RAD54L2: variants seen among roughly 807,000 people sequenced by gnomAD.
The protein encoded by RAD54L2 is RAD54 like 2.
Under a neutral mutation model 138.4 loss-of-function variants are expected in RAD54L2, and 27 were observed. The observed-to-expected ratio is 0.20, with a 90% CI of 0.14 to 0.27. The LOEUF (loss-of-function observed/expected upper bound fraction) is 0.27. Ranked by LOEUF, RAD54L2 falls within the 10% of genes least tolerant of loss-of-function variation. The probability of loss-of-function intolerance (pLI) is 1.00; values close to 1 mark genes in which losing one functional copy is unlikely to be tolerated. For missense variants in RAD54L2, 1,396 were observed against 1,890.2 expected (o/e 0.74, Z 4.85); for synonymous variants, 644 against 723.2 (o/e 0.89, Z 1.76).
intron 3 of RAD54L2, among the ~76,000 whole-genome samples, chr3:51,612,917 A>G (rs1039607948): frequency 6.6e-6 from 1 of 152,098 alleles, no homozygotes; most frequent in Non-Finnish European, 1.5e-5. Flanking sequence ...GTAAGATTTT[A>G]GTAGAAAAGG....
chr3:51,641,317 C>CT (rs1377445107), intron 14 of RAD54L2, among the ~76,000 whole-genome samples: 232 of 129,596 alleles, frequency 1.8e-3, no homozygotes, highest in Middle Eastern at 6.7e-3. Context: ...GAGTTACCCC[C>CT]TTTTTTTTTT....
At chr3:51,551,655 G>A (rs1183945394) in intron 2 of RAD54L2, among the ~76,000 whole-genome samples, 1 of 151,656 alleles carries the variant, frequency 6.6e-6, no homozygotes, top group Non-Finnish European at 1.5e-5. Flanking sequence ...GGCTGGTCTC[G>A]AACTCCTGAC....
Position 51,645,502 on chromosome 3 carries a change from T to G in RAD54L2, c.2657-89T>G. The G allele has an allele frequency of 7.5e-7, 1 of 1,337,808 alleles. No homozygotes were observed. The highest frequency in any genetic ancestry group is 1.0e-6 in the Non-Finnish European group (1 of 987,518). 82.9% of individuals were successfully genotyped at this position (1,337,808 alleles called of 1,614,324 possible). On this transcript the variant is annotated intron_variant, in intron 17 of 22. Coordinates refer to ENST00000684192, the MANE Select transcript of RAD54L2 (RefSeq NM_015106.4). This position sits in a 1 kb window ranked among gnomAD's most constrained non-coding sequence, Gnocchi z 6.1. Reference sequence around the variant, plus strand: ...CAGCACCTCAGACCTAGTCTTTGACTTTCAGATATGGGATGACTTTTCATT... The same window carrying G: ...CAGCACCTCAGACCTAGTCTTTGACGTTCAGATATGGGATGACTTTTCATT...
At chr3:51,559,004 G>A (rs891223239) in intron 2 of RAD54L2, among the ~76,000 whole-genome samples, 21 of 151,944 alleles carry the variant, frequency 1.4e-4, no homozygotes, top group Non-Finnish European at 1.5e-5. Context: ...CTCCCTAGTA[G>A]CTGGGATTAC....
intron 3 of RAD54L2, among the ~76,000 whole-genome samples, chr3:51,607,601 G>A (rs1261774754): frequency 6.6e-6 from 1 of 152,218 alleles, no homozygotes; most frequent in Non-Finnish European, 1.5e-5. Context: ...ATCATGGCCC[G>A]TTCTCAATGA....
rs1701056513 is a variant in RAD54L2 at position 51,638,895 on chromosome 3, G to C, written c.1861-524G>C. 1 of 162,962 alleles carries C rather than the reference G, an allele frequency of 6.1e-6. No homozygotes were observed. Among genetic ancestry groups the C allele is most frequent in the African/African-American group, 2.4e-5 (1 of 41,524 alleles). The allele number at this position is 162,962 out of a possible 1,614,324, so 10.1% of individuals were successfully genotyped here. A position where few individuals can be genotyped will look rare whatever the true frequency, so the allele number is the denominator to read the frequency against. On this transcript the variant is annotated intron_variant, in intron 12 of 22. Transcript: ENST00000684192. The surrounding 1 kb of genome is among the most constrained non-coding windows in gnomAD (Gnocchi z 4.3). ...ATATTTCTTTTATAGCCACAGTCCT[G>C]GGTCAAGGCCAGGAAACTAAGGCAA...
chr3:51,588,179 C>G (rs1245883403), intron 2 of RAD54L2, among the ~76,000 whole-genome samples: 406 of 90,360 alleles, frequency 4.5e-3, no homozygotes, highest in Middle Eastern at 0.038. Context: ...GAGTGAGACT[C>G]CATCTCAAAA....
In RAD54L2 at chr3:51,645,297, G is replaced by A; in HGVS notation, c.2656+68G>A. 1 of 1,449,844 alleles carries A rather than the reference G, an allele frequency of 6.9e-7. No individual in the cohort carries two copies. Among genetic ancestry groups the A allele is most frequent in the Non-Finnish European group, 9.5e-7 (1 of 1,053,062 alleles). 89.8% of individuals were successfully genotyped at this position (1,449,844 alleles called of 1,614,324 possible). ...CTACCATCCTTTTAGTATCAAGGGT[G>A]GGAGAGGAGCAGGATATGGGAACAC... is the stretch of plus-strand genomic sequence containing the variant. On this transcript the variant is annotated intron_variant, in intron 17 of 22. Coordinates refer to ENST00000684192, the MANE Select transcript of RAD54L2 (RefSeq NM_015106.4). The surrounding 1 kb of genome is among the most constrained non-coding windows in gnomAD (Gnocchi z 6.1).
At chr3:51,589,681 T>TACAC (rs1261442924) in intron 2 of RAD54L2, among the ~76,000 whole-genome samples, 60 of 108,490 alleles carry the variant, frequency 5.5e-4, no homozygotes, top group African/African-American at 1.6e-3. Flanking sequence ...TATATATATA[T>TACAC]ATACACACAC....
chr3:51,643,423 CT>C (rs1402026967), intron 15 of RAD54L2, among the ~76,000 whole-genome samples: 2 of 152,208 alleles, frequency 1.3e-5, no homozygotes. Context: ...CTTTATGTCT[CT>C]TTACAGCAAG....
chr3:51,551,688 G>A (rs952986596), intron 2 of RAD54L2, among the ~76,000 whole-genome samples: 9 of 151,846 alleles, frequency 5.9e-5, no homozygotes, highest in African/African-American at 1.9e-4. Flanking sequence ...ACCTGCCTCG[G>A]CCTCCCACAG....
intron 16 of RAD54L2, among the ~76,000 whole-genome samples, chr3:51,644,293 C>T (rs1701214905): frequency 6.6e-6 from 1 of 152,024 alleles, no homozygotes; most frequent in Non-Finnish European, 1.5e-5. Context: ...AAAAATCAAA[C>T]AATTAGCTGA....
At chr3:51,659,107 T>TG (rs1349543840) in intron 21 of RAD54L2, among the ~76,000 whole-genome samples, 2 of 141,220 alleles carry the variant, frequency 1.4e-5, no homozygotes, top group African/African-American at 5.3e-5. Context: ...TGTTTTTTTT[T>TG]TTTTTTTTTT....
chr3:51,567,296 C>T (rs557713872), intron 2 of RAD54L2, among the ~76,000 whole-genome samples: 17 of 152,270 alleles, frequency 1.1e-4, no homozygotes, highest in Non-Finnish European at 1.8e-4. Flanking sequence ...CTACATGTTT[C>T]GCAGTGGGAT....
At chr3:51,659,394 T>A (rs538127356) in intron 21 of RAD54L2, among the ~76,000 whole-genome samples, 2 of 152,268 alleles carry the variant, frequency 1.3e-5, no homozygotes, top group South Asian at 4.1e-4. Context: ...CGTGAGCCAC[T>A]GTGCCCGGCC....
chr3:51,650,716 TA>T (rs1291018317), intron 19 of RAD54L2, among the ~76,000 whole-genome samples: 9 of 152,120 alleles, frequency 5.9e-5, no homozygotes, highest in Non-Finnish European at 2.9e-5. Context: ...AAGGCAGAAA[TA>T]AAGATGTTCT....
chr3:51,569,343 T>C (rs994390759), intron 2 of RAD54L2, among the ~76,000 whole-genome samples: 2 of 152,204 alleles, frequency 1.3e-5, no homozygotes, highest in African/African-American at 4.8e-5. Flanking sequence ...CACAAAATGA[T>C]GCATACTTCT....
At chr3:51,646,022 GA>G (rs556731076) in intron 18 of RAD54L2, among the ~76,000 whole-genome samples, 2 of 152,276 alleles carry the variant, frequency 1.3e-5, no homozygotes, top group African/African-American at 4.8e-5. Flanking sequence ...AAGAGAGGGG[GA>G]AAGTTCTAAA....
intron 3 of RAD54L2, among the ~76,000 whole-genome samples, chr3:51,610,705 T>C (rs997797915): frequency 5.3e-5 from 8 of 151,450 alleles, no homozygotes; most frequent in Admixed American, 3.3e-4. Flanking sequence ...TTTTGGGATA[T>C]AAAGATTCCT....
Sources: gnomAD v4.1 joint callset for allele counts (sites outside exome capture counted in the v4.1 genomes callset) on GRCh38, gnomAD v4.1.1 for gene constraint, Gnocchi (gnomAD v3.1) non-coding constraint, MANE v1.5 for transcripts, NCBI Gene and HGNC (gene_info 2026-07-23, HGNC 2026-07-21) for gene names.